Variants in NETO1 observed in about 807,000 individuals in gnomAD.
NETO1 encodes neuropilin and tolloid like 1.
Under a neutral mutation model 61.3 loss-of-function variants are expected in NETO1, and 26 were observed. That is an observed-to-expected ratio of 0.42 (90% CI 0.31 to 0.59). The LOEUF (loss-of-function observed/expected upper bound fraction) is 0.59. Among genes scored for constraint, NETO1 ranks in the 20% least tolerant of loss-of-function variants. The pLI is 0.12. For synonymous variants in NETO1, 225 were observed against 225.8 expected (o/e 1.00, Z 0.03); for missense variants, 531 against 662.8 (o/e 0.80, Z 2.18).
At chr18:72,794,782 T>G (rs2072256160) in intron 4 of NETO1, among the ~76,000 whole-genome samples, 2 of 152,176 alleles carry the variant, frequency 1.3e-5, no homozygotes, top group African/African-American at 2.4e-5. Flanking sequence ...GTAAAAAGTA[T>G]CAATAGGTAA....
At chr18:72,813,680 G>A (rs371831247) in intron 4 of NETO1, among the ~76,000 whole-genome samples, 131 of 152,150 alleles carry the variant, frequency 8.6e-4, no homozygotes, top group African/African-American at 3.0e-3. Context: ...TCAATAGACA[G>A]ATTTAATAAG....
In NETO1 at chr18:72,747,029, T is replaced by G. The variant is rs1468750769; in HGVS notation, c.*1150A>C. 2 of 151,930 alleles carry G rather than the reference T, an allele frequency of 1.3e-5. No homozygotes were observed. The highest frequency in any genetic ancestry group is 4.8e-5 in the African/African-American group (2 of 41,430). The allele number at this position is 151,930 out of a possible 1,614,324, so 9.4% of individuals were successfully genotyped here. ...AGGGCTTGTGATTTTAAAGCAGTTT[T>G]AAAAAGAGTTCCCTATTCTAAAAGA... On this transcript the variant is annotated 3_prime_UTR_variant, in exon 11 of 11. Transcript: ENST00000327305.
At chr18:72,791,599 T>C (rs2072120779) in intron 6 of NETO1, among the ~76,000 whole-genome samples, 1 of 152,176 alleles carries the variant, frequency 6.6e-6, no homozygotes, top group Non-Finnish European at 1.5e-5. Context: ...TCGGTTATTG[T>C]TGCTCTGGGA....
intron 3 of NETO1, among the ~76,000 whole-genome samples, chr18:72,862,620 T>C (rs1469013147): frequency 8.8e-5 from 10 of 114,060 alleles, no homozygotes; most frequent in East Asian, 8.2e-4. Context: ...TCCTTTTTTT[T>C]TCTTTTTTTT....
At chr18:72,770,828 A>G (rs912902457) in intron 7 of NETO1, among the ~76,000 whole-genome samples, 16 of 152,174 alleles carry the variant, frequency 1.1e-4, no homozygotes, top group African/African-American at 3.1e-4. Context: ...AGGAAAAACT[A>G]AACAGTGTTG....
intron 4 of NETO1, chr18:72,835,343 G>T: frequency 6.3e-7 from 1 of 1,580,568 alleles, no homozygotes; most frequent in South Asian, 1.1e-5. Flanking sequence ...GGTAATTAAA[G>T]AAGTTTAATT....
In NETO1 at chr18:72,747,431, G is replaced by T. The variant is rs1454807753; in HGVS notation, c.*748C>A. The T allele has an allele frequency of 6.6e-6, 1 of 151,964 alleles. No homozygotes were observed. 9.4% of individuals were successfully genotyped at this position (151,964 alleles called of 1,614,324 possible). On this transcript the variant is annotated 3_prime_UTR_variant, in exon 11 of 11. Coordinates refer to ENST00000327305, the MANE Select transcript of NETO1 (RefSeq NM_138966.5). ...AAACTGTCAATTTGGTCATATTGCT[G>T]AGTGCTTAATCAAAAACATTTCTAC...
intron 4 of NETO1, among the ~76,000 whole-genome samples, chr18:72,851,612 G>A (rs1380391148): frequency 6.6e-6 from 1 of 152,084 alleles, no homozygotes; most frequent in African/African-American, 2.4e-5. Flanking sequence ...AGGCTCAGAT[G>A]GGTTGAGAAG....
chr18:72,772,371 G>C (rs1229607613), intron 7 of NETO1, among the ~76,000 whole-genome samples: 2 of 152,006 alleles, frequency 1.3e-5, no homozygotes, highest in Non-Finnish European at 2.9e-5. Flanking sequence ...ATGACATAAA[G>C]TTCAAATCTC....
chr18:72,824,851 C>T (rs1462510574), intron 4 of NETO1, among the ~76,000 whole-genome samples: 2 of 152,004 alleles, frequency 1.3e-5, no homozygotes, highest in Non-Finnish European at 2.9e-5. Context: ...TGCACTCCAG[C>T]CTGCGCGACA....
intron 4 of NETO1, among the ~76,000 whole-genome samples, chr18:72,839,307 C>A (rs193266927): frequency 2.0e-5 from 3 of 152,230 alleles, no homozygotes; most frequent in Admixed American, 1.3e-4. Context: ...TGTGCATAAG[C>A]CACTTAACTA....
intron 4 of NETO1, among the ~76,000 whole-genome samples, chr18:72,823,167 G>A (rs1345480787): frequency 2.6e-5 from 4 of 151,980 alleles, no homozygotes; most frequent in African/African-American, 4.8e-5. Flanking sequence ...GCTGTTTTCC[G>A]TATTCCAGAC....
At chr18:72,807,880 C>T (rs572654081) in intron 4 of NETO1, among the ~76,000 whole-genome samples, 14 of 152,100 alleles carry the variant, frequency 9.2e-5, no homozygotes, top group South Asian at 4.1e-4. Flanking sequence ...CAACCAGGGA[C>T]GCTCTTGATT....
chr18:72,750,930 A>C (rs1306739883), intron 8 of NETO1, among the ~76,000 whole-genome samples: 1 of 137,908 alleles, frequency 7.3e-6, no homozygotes, highest in Non-Finnish European at 1.6e-5. Flanking sequence ...TATCTATCTA[A>C]TCTATCGTAG....
intron 4 of NETO1, among the ~76,000 whole-genome samples, chr18:72,813,420 A>G (rs542905313): frequency 1.4e-4 from 22 of 152,334 alleles, no homozygotes; most frequent in African/African-American, 5.1e-4. Context: ...CAAAAAGTTA[A>G]TCACAGGCGC....
chr18:72,813,002 G>A (rs1198487319), intron 4 of NETO1, among the ~76,000 whole-genome samples: 2 of 152,164 alleles, frequency 1.3e-5, no homozygotes, highest in East Asian at 3.9e-4. Context: ...GACCTCAGAT[G>A]TCTAACCAAG....
chr18:72,775,281 A>G (rs1268531391), intron 7 of NETO1, among the ~76,000 whole-genome samples: 1 of 152,218 alleles, frequency 6.6e-6, no homozygotes, highest in African/African-American at 2.4e-5. Context: ...ATTTAACACA[A>G]GCTTTATAAA....
chr18:72,824,038 A>C (rs2073295812), intron 4 of NETO1, among the ~76,000 whole-genome samples: 1 of 152,254 alleles, frequency 6.6e-6, no homozygotes, highest in African/African-American at 2.4e-5. Context: ...TGTAGAAAAT[A>C]GTGTTGGGAA....
chr18:72,782,770 C>G (rs954902386), intron 7 of NETO1, among the ~76,000 whole-genome samples: 1 of 152,102 alleles, frequency 6.6e-6, no homozygotes, highest in African/African-American at 2.4e-5. Flanking sequence ...CACCGTCGCA[C>G]TCCAGCCTGG....
Sources: allele counts gnomAD v4.1 joint callset (sites outside exome capture counted in the v4.1 genomes callset), GRCh38; gene constraint gnomAD v4.1.1; transcripts MANE v1.5; gene names NCBI Gene and HGNC (gene_info 2026-07-23, HGNC 2026-07-21).